DTNB: variants seen among roughly 807,000 people sequenced by gnomAD.
DTNB encodes the protein dystrobrevin beta.
Under a neutral mutation model 90.7 loss-of-function variants are expected in DTNB, and 63 were observed. The ratio of observed to expected loss-of-function variants is 0.69; its 90% CI spans 0.57 to 0.86. The LOEUF (loss-of-function observed/expected upper bound fraction) is 0.86, where lower values mean the gene tolerates loss of function less well. Ranked by LOEUF, DTNB falls within the 40% of genes least tolerant of loss-of-function variation. DTNB has a pLI of 0.00. For missense variants in DTNB, 744 were observed against 807.1 expected (o/e 0.92, Z 0.95); for synonymous variants, 277 against 286.7 (o/e 0.97, Z 0.34).
intron 9 of DTNB, among the ~76,000 whole-genome samples, chr2:25,496,233 C>G (rs2068809274): frequency 1.3e-5 from 2 of 152,182 alleles, no homozygotes; most frequent in Non-Finnish European, 2.9e-5. Flanking sequence ...ATCAAATCAA[C>G]AGAAATGTAT....
chr2:25,635,052 A>AT (rs924533756), intron 3 of DTNB, among the ~76,000 whole-genome samples: 1 of 148,706 alleles, frequency 6.7e-6, no homozygotes, highest in African/African-American at 2.5e-5. Flanking sequence ...AGAATGATCA[A>AT]TAAAAAAAAA....
At chr2:25,622,855 C>A (rs375328106) in intron 4 of DTNB, among the ~76,000 whole-genome samples, 1 of 151,990 alleles carries the variant, frequency 6.6e-6, no homozygotes, top group Non-Finnish European at 1.5e-5. Context: ...AAAGACAATA[C>A]GAAACAAGAA....
intron 7 of DTNB, among the ~76,000 whole-genome samples, chr2:25,578,119 A>G (rs1184827330): frequency 6.6e-6 from 1 of 152,242 alleles, no homozygotes; most frequent in Non-Finnish European, 1.5e-5. Flanking sequence ...AGGGACTTCT[A>G]GACTTGCTTC....
chr2:25,645,927 A>G (rs2079338442), intron 2 of DTNB, among the ~76,000 whole-genome samples: 1 of 152,216 alleles, frequency 6.6e-6, no homozygotes. Flanking sequence ...AAACAATGGG[A>G]TGGAAGGAAG....
intron 8 of DTNB, among the ~76,000 whole-genome samples, chr2:25,541,199 C>A (rs1296710019): frequency 1.3e-5 from 2 of 152,048 alleles, no homozygotes; most frequent in Non-Finnish European, 2.9e-5. Flanking sequence ...ACAGTTCAGG[C>A]CAGGCACAGT....
chr2:25,577,253 G>A (rs995359637), intron 7 of DTNB, among the ~76,000 whole-genome samples: 8 of 152,046 alleles, frequency 5.3e-5, no homozygotes, highest in African/African-American at 1.7e-4. Flanking sequence ...TGGACAACAT[G>A]GCAAAACCCT....
chr2:25,641,050 C>G (rs902420161), intron 2 of DTNB, among the ~76,000 whole-genome samples: 2 of 151,878 alleles, frequency 1.3e-5, no homozygotes, highest in African/African-American at 4.8e-5. Flanking sequence ...TCCATACGCT[C>G]CAGCCAAGTT....
At chr2:25,590,445 G>A (rs2063342810) in intron 6 of DTNB, among the ~76,000 whole-genome samples, 1 of 151,506 alleles carries the variant, frequency 6.6e-6, no homozygotes, top group South Asian at 2.1e-4. Context: ...CACAGCCAGG[G>A]TGTCCTGACA....
In DTNB at chr2:25,652,146, T is replaced by C. The variant is rs145436275; in HGVS notation, c.67+448A>G. 5.8e-4 allele frequency among the ~76,000 whole-genome samples: 89 copies of C among 152,346 alleles called. 1 individual carries two copies. In the East Asian group the frequency reaches 0.016, roughly 28 times the overall value. On this transcript the variant is annotated intron_variant, in intron 2 of 20. Coordinates refer to ENST00000406818, the MANE Select transcript of DTNB (RefSeq NM_021907.5). ...TTAACAGAATATTTAAAGTTAAAAA[T>C]ATATCAAAATACACATTCACTCTTT...
chr2:25,536,953 G>A (rs925779582), intron 8 of DTNB, among the ~76,000 whole-genome samples: 9 of 152,206 alleles, frequency 5.9e-5, no homozygotes, highest in Middle Eastern at 3.4e-3. Flanking sequence ...TGGTTGGCCA[G>A]GATGGTCTCA....
chr2:25,508,627 C>T (rs766438664), intron 9 of DTNB, among the ~76,000 whole-genome samples: 2 of 151,478 alleles, frequency 1.3e-5, no homozygotes, highest in Non-Finnish European at 2.9e-5. Flanking sequence ...CTCCGCCTCC[C>T]GGGTTCAAGC....
chr2:25,399,194 G>T (rs755009797), intron 16 of DTNB, among the ~76,000 whole-genome samples: 1 of 149,522 alleles, frequency 6.7e-6, no homozygotes, highest in Non-Finnish European at 1.5e-5. Context: ...GACTACAGGC[G>T]TGCACCACCA....
At chr2:25,667,571 A>G (rs1267313902) in intron 1 of DTNB, among the ~76,000 whole-genome samples, 2 of 152,186 alleles carry the variant, frequency 1.3e-5, no homozygotes, top group Non-Finnish European at 2.9e-5. Context: ...CAATGACTAA[A>G]TATTATTCCA....
At chr2:25,409,104 T>C (rs910640257) in intron 16 of DTNB, among the ~76,000 whole-genome samples, 2 of 152,046 alleles carry the variant, frequency 1.3e-5, no homozygotes, top group African/African-American at 4.8e-5. Flanking sequence ...AAGTGGCAGG[T>C]GGGAGGCTGG....
intron 4 of DTNB, among the ~76,000 whole-genome samples, chr2:25,614,035 T>C (rs1023602185): frequency 1.3e-5 from 2 of 152,086 alleles, no homozygotes; most frequent in African/African-American, 4.8e-5. Flanking sequence ...TTTTGACATA[T>C]GAAAACCAAT....
At chr2:25,421,995 T>C (rs969202014) in intron 15 of DTNB, among the ~76,000 whole-genome samples, 1 of 152,200 alleles carries the variant, frequency 6.6e-6, no homozygotes, top group Non-Finnish European at 1.5e-5. Flanking sequence ...TAGGATAGTG[T>C]TGTATAATTT....
At chr2:25,576,295 G>C (rs1327491697) in intron 8 of DTNB, among the ~76,000 whole-genome samples, 1 of 141,294 alleles carries the variant, frequency 7.1e-6, no homozygotes, top group Admixed American at 7.6e-5. Context: ...GCGCAATCTC[G>C]GCTCACTGCA....
chr2:25,462,336 T>C (rs147381557), intron 10 of DTNB, among the ~76,000 whole-genome samples: 5 of 151,762 alleles, frequency 3.3e-5, no homozygotes, highest in South Asian at 2.1e-4. Flanking sequence ...GAGTGAGCAA[T>C]AGCGGGACAA....
chr2:25,652,532 TAAAAA>T, intron 2 of DTNB, 57 bp downstream of exon 2: 10 of 1,271,766 alleles, frequency 7.9e-6, no homozygotes, highest in East Asian at 2.7e-5. Context: ...TGACTTGATC[TAAAAA>T]AAAAAAAAAA....
Sources: allele counts gnomAD v4.1 joint callset (sites outside exome capture counted in the v4.1 genomes callset), GRCh38; gene constraint gnomAD v4.1.1; transcripts MANE v1.5; gene names NCBI Gene and HGNC (gene_info 2026-07-23, HGNC 2026-07-21).